Variants in PPARG observed in about 807,000 individuals in gnomAD.
PPARG encodes peroxisome proliferator activated receptor gamma.
PPARG carries 17 observed loss-of-function variants against 39.2 expected under a neutral mutation model. That is an observed-to-expected ratio of 0.43 (90% CI 0.30 to 0.65). PPARG has a LOEUF of 0.65. Ranked by LOEUF, PPARG falls within the 30% of genes least tolerant of loss-of-function variation. The probability of loss-of-function intolerance (pLI) is 0.13; values close to 1 mark genes in which losing one functional copy is unlikely to be tolerated. For missense variants in PPARG, 406 were observed against 585.9 expected (o/e 0.69, Z 3.17); for synonymous variants, 223 against 215.7 (o/e 1.03, Z -0.30).
chr3:12,316,234 T>A (rs527344901), intron 2 of PPARG, among the ~76,000 whole-genome samples: 2 of 152,286 alleles, frequency 1.3e-5, no homozygotes, highest in East Asian at 3.9e-4. Flanking sequence ...ATTCAAGCAT[T>A]TTGACATGAA....
Position 12,417,068 on chromosome 3 carries a change from A to G in PPARG, c.1094A>G (p.Lys365Arg). The part of the protein sequence containing the change: ...RKPFGDFMEP[K>R]FEFAVKFNAL... ...CCTTTTGGTGACTTTATGGAGCCCA[A>G]GTTTGAGTTTGCTGTGAAGTTCAAT... is the stretch of plus-strand genomic sequence containing the variant. The change falls in exon 7 of 8, where the codon AAG (lysine) becomes AGG (arginine). Residue 365 changes from lysine (K) to arginine (R), a missense_variant. Physicochemically the swap from Lys to Arg is conservative, Grantham distance 26. Around this residue, in one of 2 missense-constraint regions of PPARG, gnomAD observed 275 missense variants for 458.0 expected, o/e 0.60. Coordinates refer to ENST00000651735, the MANE Select transcript of PPARG (RefSeq NM_138711.6). 1 of 1,613,580 alleles carries G rather than the reference A, an allele frequency of 6.2e-7. No homozygotes were observed. Among genetic ancestry groups the G allele is most frequent in the African/African-American group, 1.3e-5 (1 of 75,008 alleles).
intron 2 of PPARG, among the ~76,000 whole-genome samples, chr3:12,329,447 AAGC>A (rs1379650040): frequency 2.0e-5 from 3 of 152,246 alleles, no homozygotes; most frequent in Non-Finnish European, 4.4e-5. Flanking sequence ...AATTCTAAAA[AAGC>A]AGGTAGACTA....
intron 5 of PPARG, among the ~76,000 whole-genome samples, chr3:12,398,828 A>G (rs2050361018): frequency 6.6e-6 from 1 of 152,258 alleles, no homozygotes; most frequent in Admixed American, 6.5e-5. Flanking sequence ...GGATTTTTAC[A>G]AAGTTTTGGT....
chr3:12,361,030 A>G (rs771639638), intron 2 of PPARG, among the ~76,000 whole-genome samples: 1 of 152,156 alleles, frequency 6.6e-6, no homozygotes, highest in Non-Finnish European at 1.5e-5. Context: ...CTAGAAGTGC[A>G]TGAGTGTTCT....
At chr3:12,377,912 C>T (rs914253422) in intron 2 of PPARG, among the ~76,000 whole-genome samples, 2 of 152,068 alleles carry the variant, frequency 1.3e-5, no homozygotes, top group African/African-American at 4.8e-5. Flanking sequence ...GTAAGAAACT[C>T]AACAAACTCA....
At chr3:12,316,106 T>C (rs1483299387) in intron 2 of PPARG, among the ~76,000 whole-genome samples, 1 of 152,198 alleles carries the variant, frequency 6.6e-6, no homozygotes, top group Admixed American at 6.6e-5. Flanking sequence ...TTAAGTTGTC[T>C]AGAAAATCAG....
intron 2 of PPARG, among the ~76,000 whole-genome samples, chr3:12,315,069 T>TA (rs2047353936): frequency 6.6e-6 from 1 of 152,210 alleles, no homozygotes; most frequent in Admixed American, 6.5e-5. Flanking sequence ...CTATTCCTTG[T>TA]ATCTAACTGT....
chr3:12,302,508 T>C (rs2124957955), intron 1 of PPARG, among the ~76,000 whole-genome samples: 1 of 152,256 alleles, frequency 6.6e-6, no homozygotes, highest in East Asian at 1.9e-4. Context: ...TTTTAAATTG[T>C]GAATTTTACC....
chr3:12,379,564 G>A (rs2049546730), intron 2 of PPARG, 140 bp from the exon 3 acceptor site: 2 of 748,882 alleles, frequency 2.7e-6, no homozygotes, highest in Non-Finnish European at 4.5e-6. Context: ...TAAGAAGGTG[G>A]TTATGTTCTT....
intron 2 of PPARG, among the ~76,000 whole-genome samples, chr3:12,349,647 T>C (rs1240432418): frequency 6.6e-6 from 1 of 152,162 alleles, no homozygotes; most frequent in Non-Finnish European, 1.5e-5. Flanking sequence ...ACATATTATA[T>C]TGGCAATGAA....
chr3:12,415,187 G>A (rs1242107440), intron 6 of PPARG, among the ~76,000 whole-genome samples: 1 of 152,068 alleles, frequency 6.6e-6, no homozygotes, highest in African/African-American at 2.4e-5. Context: ...TGTCGTGCAT[G>A]CACACTCACA....
intron 1 of PPARG, among the ~76,000 whole-genome samples, chr3:12,299,239 T>G (rs930815543): frequency 6.6e-6 from 1 of 152,154 alleles, no homozygotes. Context: ...AACAGACAAA[T>G]TCCATTCCTC....
chr3:12,347,978 A>C (rs1233291133), intron 2 of PPARG, among the ~76,000 whole-genome samples: 2 of 152,346 alleles, frequency 1.3e-5, no homozygotes, highest in Middle Eastern at 3.4e-3. Flanking sequence ...AAAAGAAAAA[A>C]ATACTGTACA....
chr3:12,382,301 A>G (rs1022110244), intron 4 of PPARG, among the ~76,000 whole-genome samples: 12 of 152,168 alleles, frequency 7.9e-5, no homozygotes, highest in Admixed American at 2.6e-4. Context: ...GAAAATTCAG[A>G]CGTTTAGTAA....
chr3:12,405,512 C>G (rs1274094283), intron 5 of PPARG, among the ~76,000 whole-genome samples: 1 of 152,180 alleles, frequency 6.6e-6, no homozygotes, highest in Non-Finnish European at 1.5e-5. Context: ...GACCTTAGGT[C>G]AAGTGCTGGG....
chr3:12,316,055 A>G (rs1277808539), intron 2 of PPARG, among the ~76,000 whole-genome samples: 1 of 152,232 alleles, frequency 6.6e-6, no homozygotes, highest in Non-Finnish European at 1.5e-5. Flanking sequence ...TACAAGTAGT[A>G]CTACGGGAAC....
chr3:12,378,605 G>A (rs925769911), intron 2 of PPARG, among the ~76,000 whole-genome samples: 11 of 152,196 alleles, frequency 7.2e-5, no homozygotes, highest in African/African-American at 1.4e-4. Flanking sequence ...CATGATCCAC[G>A]TGGAATCTAA....
At chr3:12,369,611 A>G (rs2049138406) in intron 2 of PPARG, among the ~76,000 whole-genome samples, 1 of 152,004 alleles carries the variant, frequency 6.6e-6, no homozygotes, top group Admixed American at 6.5e-5. Flanking sequence ...CCCTTTTCCA[A>G]AACACATACT....
intron 3 of PPARG, among the ~76,000 whole-genome samples, chr3:12,380,444 A>T (rs1259047268): frequency 6.6e-6 from 1 of 152,202 alleles, no homozygotes; most frequent in Non-Finnish European, 1.5e-5. Context: ...ATAAATTTTC[A>T]TGCCATTAAC....
Sources: allele counts gnomAD v4.1 joint callset (sites outside exome capture counted in the v4.1 genomes callset), GRCh38; gene constraint gnomAD v4.1.1; regional missense constraint gnomAD v4.1.1; transcripts MANE v1.5; gene names NCBI Gene and HGNC (gene_info 2026-07-23, HGNC 2026-07-21).